CUL2: variants seen among roughly 807,000 people sequenced by gnomAD.
CUL2 encodes cullin 2, also known as cullin-2.
Under a neutral mutation model 110.2 loss-of-function variants are expected in CUL2, and 22 were observed. The ratio of observed to expected loss-of-function variants is 0.20; its 90% confidence interval spans 0.14 to 0.28. The LOEUF (loss-of-function observed/expected upper bound fraction) is 0.28, where lower values mean the gene tolerates loss of function less well. Among genes scored for constraint, CUL2 ranks in the 10% least tolerant of loss-of-function variants. CUL2 has a pLI of 1.00. For missense variants in CUL2, 631 were observed against 905.5 expected (o/e 0.70, Z 3.89); for synonymous variants, 279 against 293.2 (o/e 0.95, Z 0.49).
chr10:35,105,199 G>T (rs568774565), intron 1 of CUL2, among the ~76,000 whole-genome samples: 16 of 150,340 alleles, frequency 1.1e-4, no homozygotes, highest in Non-Finnish European at 1.8e-4. Context: ...GCCGAGGCGG[G>T]CGGATCACGA....
chr10:35,116,173 T>C (rs1275756963), intron 1 of CUL2, among the ~76,000 whole-genome samples: 1 of 151,946 alleles, frequency 6.6e-6, no homozygotes, highest in Non-Finnish European at 1.5e-5. Context: ...TGAAACTCTG[T>C]CTCTACTAAA....
chr10:35,098,402 T>C (rs1159024887), intron 2 of CUL2, among the ~76,000 whole-genome samples: 1 of 152,012 alleles, frequency 6.6e-6, no homozygotes, highest in Non-Finnish European at 1.5e-5. Flanking sequence ...GAAGGGGAGA[T>C]GACATTTTTC....
At chr10:35,042,502 C>T (rs1440889833) in intron 8 of CUL2, among the ~76,000 whole-genome samples, 1 of 152,106 alleles carries the variant, frequency 6.6e-6, no homozygotes, top group East Asian at 1.9e-4. Flanking sequence ...CTTTCACCTG[C>T]CTCAAGGCAG....
rs1031566308 is a variant in CUL2, at chr10:35,031,276, T to C, written c.1386+24A>G. The C allele has an allele frequency of 1.4e-6, 2 of 1,426,798 alleles. No homozygotes were observed. Among genetic ancestry groups the C allele is most frequent in the Non-Finnish European group, 9.7e-7 (1 of 1,031,802 alleles). 88.4% of individuals were successfully genotyped at this position (1,426,798 alleles called of 1,614,324 possible). A position where few individuals can be genotyped will look rare whatever the true frequency, so the allele number is the denominator to read the frequency against. On this transcript the variant is annotated intron_variant, in intron 14 of 20. Coordinates refer to ENST00000374749, the MANE Select transcript of CUL2 (RefSeq NM_003591.4). This position sits in a 1 kb window ranked among gnomAD's most constrained non-coding sequence, Gnocchi z 4.4. The stretch of plus-strand genomic sequence containing the variant: ...GCTTGTGAATGAATTTCTAGGACAA[T>C]ACCACATTAAAGACTTACATTACCT...
chr10:35,060,892 T>C lies in CUL2; in HGVS notation c.299A>G (p.Tyr100Cys), dbSNP rs1195805295. 1.9e-6 allele frequency: 3 copies of C among 1,613,806 alleles called. No individual in the cohort carries two copies. The highest frequency in any genetic ancestry group is 2.5e-6 in the Non-Finnish European group (3 of 1,179,864). ...YWEEYSKGAD[Y>C]MDCLYRYLNT... The stretch of plus-strand genomic sequence containing the variant: ...CACTCACCTATATAAGCAGTCCATA[T>C]AGTCTGCACCCTTGCTGTATTCTTC... Residue 100 changes from tyrosine to cysteine, a missense_variant, in exon 4 of 21, where the codon TAT (tyrosine) becomes TGT (cysteine). Around this residue, in one of 3 missense-constraint regions of CUL2, gnomAD observed 338 missense variants for 442.5 expected, o/e 0.76. Coordinates refer to ENST00000374749, the MANE Select transcript of CUL2 (RefSeq NM_003591.4).
intron 2 of CUL2, 39 bp downstream of exon 2, chr10:35,071,160 A>T: frequency 1.3e-6 from 2 of 1,584,674 alleles, no homozygotes; most frequent in Non-Finnish European, 1.7e-6. Flanking sequence ...CAAATTTATC[A>T]ATTTTAGAAC....
chr10:35,071,581 T>C (rs2134990101), intron 1 of CUL2, among the ~76,000 whole-genome samples: 1 of 150,552 alleles, frequency 6.6e-6, no homozygotes, highest in Non-Finnish European at 1.5e-5. Flanking sequence ...ATTTTTTGTA[T>C]TTTTTTTTAG....
At chr10:35,080,138 C>T (rs1355935891) in intron 1 of CUL2, among the ~76,000 whole-genome samples, 2 of 152,080 alleles carry the variant, frequency 1.3e-5, no homozygotes, top group Non-Finnish European at 2.9e-5. Flanking sequence ...AGTGGAATAC[C>T]ATATTAACTT....
chr10:35,103,388 G>A (rs892267002), intron 1 of CUL2, among the ~76,000 whole-genome samples: 58 of 138,418 alleles, frequency 4.2e-4, no homozygotes, highest in African/African-American at 1.2e-3. Flanking sequence ...GCAGTGGCAC[G>A]ATCTCGACTC....
intron 2 of CUL2, among the ~76,000 whole-genome samples, chr10:35,066,414 C>G (rs2086527043): frequency 5.3e-5 from 8 of 152,242 alleles, no homozygotes; most frequent in Admixed American, 4.6e-4. Flanking sequence ...ATTATCCTGC[C>G]TACCTCCTGA....
intron 17 of CUL2, among the ~76,000 whole-genome samples, chr10:35,022,562 G>A (rs1312512168): frequency 6.6e-6 from 1 of 152,072 alleles, no homozygotes; most frequent in East Asian, 1.9e-4. Flanking sequence ...GCCATATATG[G>A]GTAATCTAGA....
chr10:35,042,336 C>A (rs765243325), intron 8 of CUL2, among the ~76,000 whole-genome samples: 9 of 152,108 alleles, frequency 5.9e-5, no homozygotes, highest in Non-Finnish European at 1.2e-4. Context: ...TGTATAACTT[C>A]AATTCTTTTT....
intron 5 of CUL2, 92 bp downstream of exon 5, chr10:35,054,341 CA>C: frequency 1.4e-6 from 1 of 696,764 alleles, no homozygotes; most frequent in African/African-American, 1.9e-5. Flanking sequence ...TTAAGCTAGC[CA>C]AATCAGTGTC....
intron 1 of CUL2, among the ~76,000 whole-genome samples, chr10:35,124,511 A>T (rs1348013510): frequency 6.6e-6 from 1 of 152,110 alleles, no homozygotes; most frequent in African/African-American, 2.4e-5. Context: ...AGTGAATACA[A>T]CCCCTGCCTT....
chr10:35,069,167 T>C (rs901767852), intron 2 of CUL2, among the ~76,000 whole-genome samples: 8 of 152,090 alleles, frequency 5.3e-5, no homozygotes, highest in African/African-American at 1.9e-4. Context: ...GTGCCCGGCC[T>C]GTACTCTTTA....
intron 2 of CUL2, among the ~76,000 whole-genome samples, chr10:35,069,155 A>G (rs2086615728): frequency 6.6e-6 from 1 of 152,078 alleles, no homozygotes; most frequent in African/African-American, 2.4e-5. Flanking sequence ...GCGTGAGACA[A>G]CGTGCCCGGC....
chr10:35,106,315 T>G (rs2087454951), intron 1 of CUL2, among the ~76,000 whole-genome samples: 1 of 151,030 alleles, frequency 6.6e-6, no homozygotes, highest in East Asian at 1.9e-4. Context: ...TTTTTTTTTT[T>G]GTGGGTTTTT....
At chr10:35,054,266 G>A (rs894235954) in intron 5 of CUL2, among the ~76,000 whole-genome samples, 168 bp downstream of exon 5, 3 of 129,324 alleles carry the variant, frequency 2.3e-5, no homozygotes, top group South Asian at 2.4e-4. Context: ...CATCTTTTTC[G>A]TTCCTGAGGA....
chr10:35,091,188 A>G (rs113233884), upstream of CUL2, among the ~76,000 whole-genome samples: 2 of 152,316 alleles, frequency 1.3e-5, no homozygotes, highest in East Asian at 1.9e-4. Flanking sequence ...ATGCAGGGCC[A>G]CAGAGGAACA....
Sources: allele counts gnomAD v4.1 joint callset (sites outside exome capture counted in the v4.1 genomes callset), GRCh38; gene constraint gnomAD v4.1.1; regional missense constraint gnomAD v4.1.1; non-coding constraint Gnocchi (gnomAD v3.1); transcripts MANE v1.5; gene names NCBI Gene and HGNC (gene_info 2026-07-23, HGNC 2026-07-21).